MYO16: variants seen among roughly 807,000 people sequenced by gnomAD.
The protein encoded by MYO16 is unconventional myosin-XVI.
A neutral mutation model predicts 205.3 loss-of-function variants in MYO16; 94 were observed. The ratio of observed to expected loss-of-function variants is 0.46; its 90% CI spans 0.39 to 0.54. The LOEUF is 0.54. Ranked by LOEUF, MYO16 falls within the 20% of genes least tolerant of loss-of-function variation. MYO16 has a pLI of 0.00. For synonymous variants in MYO16, 988 were observed against 954.0 expected, an observed-to-expected ratio of 1.04 and a Z score of -0.66; for missense variants, 2,315 against 2,387.5, an observed-to-expected ratio of 0.97 and a Z score of 0.63.
chr13:108,924,294 A>G (rs1255991197), intron 16 of MYO16, among the ~76,000 whole-genome samples: 2 of 152,188 alleles, frequency 1.3e-5, no homozygotes, highest in Admixed American at 6.5e-5. Flanking sequence ...ACTCCAATCT[A>G]AACGAAGCTT....
chr13:109,062,206 A>C (rs1014474946), intron 27 of MYO16, among the ~76,000 whole-genome samples: 3 of 152,218 alleles, frequency 2.0e-5, no homozygotes, highest in African/African-American at 7.2e-5. Context: ...AAATGCAATT[A>C]ATACTTAAAA....
the MYO16 span, among the ~76,000 whole-genome samples, chr13:108,534,921 C>T: frequency 6.7e-6 from 1 of 148,964 alleles, no homozygotes; most frequent in Non-Finnish European, 1.5e-5. Flanking sequence ...TCTCCTTCCT[C>T]TCTTCCTTCT....
At chr13:108,682,102 A>T (rs1456344233) in intron 2 of MYO16, among the ~76,000 whole-genome samples, 1 of 152,244 alleles carries the variant, frequency 6.6e-6, no homozygotes, top group Middle Eastern at 3.4e-3. Context: ...GTGGTTTTCA[A>T]CTTCACATAT....
chr13:109,094,847 G>A (rs1298034064), intron 27 of MYO16, among the ~76,000 whole-genome samples: 3 of 152,226 alleles, frequency 2.0e-5, no homozygotes, highest in Non-Finnish European at 4.4e-5. Context: ...TGTTACGGCT[G>A]CATAGTATTC....
chr13:108,563,513 A>C, the MYO16 span, among the ~76,000 whole-genome samples: 1 of 152,144 alleles, frequency 6.6e-6, no homozygotes, highest in African/African-American at 2.4e-5. Context: ...GCCTCTGATA[A>C]CCATTCTTCT....
At chr13:108,845,465 G>A (rs1189408872) in intron 10 of MYO16, among the ~76,000 whole-genome samples, 3 of 152,100 alleles carry the variant, frequency 2.0e-5, no homozygotes, top group African/African-American at 7.2e-5. Context: ...TCCTTGCAGG[G>A]CGGACAGCAG....
chr13:108,681,564 C>T (rs938438056), intron 2 of MYO16, among the ~76,000 whole-genome samples: 2 of 152,034 alleles, frequency 1.3e-5, no homozygotes, highest in African/African-American at 4.8e-5. Context: ...AATAAATACC[C>T]GTCCCATTGG....
rs567044486 is a variant in MYO16 at position 108,875,798 on chromosome 13, CA to C, written c.1426-7260del. 2.0e-3 allele frequency among the ~76,000 whole-genome samples: 302 copies of C among 152,182 alleles called. 5 individuals carry two copies. The highest frequency in any genetic ancestry group is 0.019 in the Admixed American group (296 of 15,276). On this transcript the variant is annotated intron_variant, in intron 12 of 34. Coordinates refer to ENST00000457511, the MANE Select transcript of MYO16 (RefSeq NM_001198950.3). ...TTAAGGCAGGAGGATCGCTTGACCCCAGGGGGTGGAGTCTGCAGTGATCTGT... is the reference window on the plus strand; with the variant it reads ...TTAAGGCAGGAGGATCGCTTGACCCCGGGGGTGGAGTCTGCAGTGATCTGT...
Position 108,644,358 on chromosome 13 carries a change from GTCTGTCTA to G in MYO16, c.28+14490_28+14497del, listed in dbSNP as rs1325619932. ...CATTTATTCTACCATCTATCTGTCT[GTCTGTCTA>G]TCTATCTATCTATCTATCTATCTAT... On this transcript the variant is annotated intron_variant, in intron 1 of 34. Coordinates refer to ENST00000457511, the MANE Select transcript of MYO16 (RefSeq NM_001198950.3). 7.0e-4 allele frequency among the ~76,000 whole-genome samples: 87 copies of G among 124,376 alleles called. No individual in the cohort carries two copies. The East Asian group carries it at 0.011, about 16-fold the overall frequency. 81.6% of individuals were successfully genotyped at this position (124,376 alleles called of 152,430 possible).
intron 25 of MYO16, among the ~76,000 whole-genome samples, 165 bp from the exon 26 acceptor site, chr13:109,054,878 GTCT>G (rs1241863273): frequency 7.3e-5 from 11 of 151,424 alleles, no homozygotes; most frequent in African/African-American, 2.4e-4. Context: ...TCTCCATTCT[GTCT>G]TCTTTCCTTC....
At chr13:108,820,721 A>G (rs530186932) in intron 8 of MYO16, among the ~76,000 whole-genome samples, 3 of 152,232 alleles carry the variant, frequency 2.0e-5, no homozygotes, top group Admixed American at 6.5e-5. Context: ...CGTACTTTAA[A>G]ATACATTTTT....
chr13:108,800,162 C>G (rs994329202), intron 6 of MYO16, among the ~76,000 whole-genome samples: 1 of 151,910 alleles, frequency 6.6e-6, no homozygotes, highest in Non-Finnish European at 1.5e-5. Context: ...CATGAGGCAC[C>G]CCCTAAAATA....
chr13:108,505,156 T>C, the MYO16 span, among the ~76,000 whole-genome samples: 1 of 152,220 alleles, frequency 6.6e-6, no homozygotes, highest in Non-Finnish European at 1.5e-5. Context: ...TTTTCAATTC[T>C]TTTGGATTAA....
intron 28 of MYO16, among the ~76,000 whole-genome samples, chr13:109,118,595 T>G (rs1566515160): frequency 6.6e-6 from 1 of 152,194 alleles, no homozygotes; most frequent in Non-Finnish European, 1.5e-5. Context: ...GAACCCAGGT[T>G]TGGATGAATT....
chr13:108,521,729 G>A, the MYO16 span, among the ~76,000 whole-genome samples: 1 of 152,226 alleles, frequency 6.6e-6, no homozygotes, highest in South Asian at 2.1e-4. Flanking sequence ...ATAATGATCT[G>A]TTTTGTAAAT....
At chr13:108,869,227 T>C (rs1878887298) in intron 12 of MYO16, among the ~76,000 whole-genome samples, 1 of 152,176 alleles carries the variant, frequency 6.6e-6, no homozygotes, top group Admixed American at 6.5e-5. Context: ...CAAAAAATGT[T>C]AGTAGTACTG....
chr13:109,170,684 C>T (rs1031105194), intron 33 of MYO16, among the ~76,000 whole-genome samples: 4 of 151,924 alleles, frequency 2.6e-5, no homozygotes, highest in Non-Finnish European at 4.4e-5. Context: ...ATAATAAAAA[C>T]GGCAAGTCAT....
chr13:108,702,143 A>T (rs1883334000), intron 2 of MYO16, among the ~76,000 whole-genome samples: 1 of 152,208 alleles, frequency 6.6e-6, no homozygotes, highest in African/African-American at 2.4e-5. Context: ...TATTGGAGGT[A>T]CTAATTGGTG....
At chr13:109,001,698 G>A (rs568615778) in intron 21 of MYO16, among the ~76,000 whole-genome samples, 1 of 152,290 alleles carries the variant, frequency 6.6e-6, no homozygotes, top group African/African-American at 2.4e-5. Context: ...GCAGTCTGGT[G>A]AGCCCCAAGG....
Sources: allele counts gnomAD v4.1 joint callset (sites outside exome capture counted in the v4.1 genomes callset), GRCh38; gene constraint gnomAD v4.1.1; transcripts MANE v1.5; gene names NCBI Gene and HGNC (gene_info 2026-07-23, HGNC 2026-07-21).